Variants in ATP2C1 observed in about 807,000 individuals in gnomAD.
ATP2C1 encodes the protein ATPase secretory pathway Ca2+ transporting 1.
A neutral mutation model predicts 120.5 loss-of-function variants in ATP2C1; 31 were observed. The observed-to-expected ratio is 0.26, with a 90% CI of 0.19 to 0.35. ATP2C1 has a LOEUF of 0.35. Ranked by LOEUF, ATP2C1 falls within the 10% of genes least tolerant of loss-of-function variation. The pLI, the probability that ATP2C1 is intolerant of heterozygous loss-of-function variation, is 1.00. For missense variants in ATP2C1, 731 were observed against 1,107.5 expected, an observed-to-expected ratio of 0.66 and a Z score of 4.83; for synonymous variants, 351 against 358.7, an observed-to-expected ratio of 0.98 and a Z score of 0.24.
chr3:130,961,436 A>C (rs1414812950), intron 12 of ATP2C1, among the ~76,000 whole-genome samples: 2 of 151,906 alleles, frequency 1.3e-5, no homozygotes, highest in South Asian at 4.1e-4. Context: ...ACATTATGGG[A>C]CCTTTAATGA....
intron 8 of ATP2C1, among the ~76,000 whole-genome samples, chr3:130,942,595 A>G (rs570900702): frequency 6.6e-6 from 1 of 152,346 alleles, no homozygotes; most frequent in African/African-American, 2.4e-5. Flanking sequence ...GACTGTAATA[A>G]GAACAAACTT....
upstream of ATP2C1, among the ~76,000 whole-genome samples, chr3:130,889,637 ACTTT>A (rs1312188968): frequency 8.4e-6 from 1 of 119,162 alleles, no homozygotes. Flanking sequence ...TATTCTTTAA[ACTTT>A]TTTTTTTTTT....
chr3:130,959,071 C>T (rs926125785), intron 11 of ATP2C1, among the ~76,000 whole-genome samples: 3 of 151,910 alleles, frequency 2.0e-5, no homozygotes, highest in South Asian at 2.1e-4. Flanking sequence ...CACACATGTA[C>T]GTATGTGAGT....
Position 130,994,022 on chromosome 3 carries a change from A to T in ATP2C1, c.1981A>T (p.Met661Leu). Reference sequence around the variant, plus strand: ...GAAGGCTGCAGACATTGGAGTTGCGATGGGCCAGACTGGTACAGATGTTTG... The same window carrying T: ...GAAGGCTGCAGACATTGGAGTTGCGTTGGGCCAGACTGGTACAGATGTTTG... ...ALKAADIGVA[M>L]GQTGTDVCKE... Residue 661 changes from methionine (M) to leucine (L), a missense_variant, in exon 22 of 28, where the codon ATG (methionine) becomes TTG (leucine). Physicochemically the swap from Met to Leu is conservative, Grantham distance 15. This residue lies in a region of ATP2C1 where 571 missense variants were observed against 845.9 expected (regional missense o/e 0.67). Coordinates refer to ENST00000510168, the MANE Select transcript of ATP2C1 (RefSeq NM_001378687.1). 6.2e-7 allele frequency: 1 copy of T among 1,614,164 alleles called. No individual in the cohort carries two copies. The highest frequency in any genetic ancestry group is 2.2e-5 in the East Asian group (1 of 44,872).
At chr3:130,979,212 T>C (rs2061651752) in intron 18 of ATP2C1, 37 bp from the exon 19 acceptor site, 1 of 1,609,996 alleles carries the variant, frequency 6.2e-7, no homozygotes. Context: ...ATGACTCACT[T>C]TTTTTTGTTG....
intron 14 of ATP2C1, among the ~76,000 whole-genome samples, chr3:130,965,921 G>T (rs1226831880): frequency 6.6e-6 from 1 of 152,014 alleles, no homozygotes; most frequent in African/African-American, 2.4e-5. Flanking sequence ...ATGAATGAAT[G>T]AATCACTTTA....
chr3:130,996,820 G>A lies in ATP2C1; in HGVS notation c.2243+24G>A, dbSNP rs376487641. The A allele has an allele frequency of 2.3e-5, 33 of 1,462,342 alleles. No homozygotes were observed. In the African/African-American group the frequency reaches 4.2e-4, roughly 19 times the overall value. 90.6% of individuals were successfully genotyped at this position (1,462,342 alleles called of 1,614,324 possible). A position where few individuals can be genotyped will look rare whatever the true frequency, so the allele number is the denominator to read the frequency against. On this transcript the variant is annotated intron_variant, in intron 24 of 27. Transcript: ENST00000510168. ...AGGTACGAGTTTTTTAATTGCATGA[G>A]CTGGAAAGACAAGGAATGTGTACTA...
intron 20 of ATP2C1, among the ~76,000 whole-genome samples, chr3:130,982,153 T>G (rs1227408514): frequency 6.6e-6 from 1 of 152,258 alleles, no homozygotes; most frequent in Non-Finnish European, 1.5e-5. Context: ...GTTTTGGGTT[T>G]TATACTTAGG....
In ATP2C1 at chr3:130,884,102, G is replaced by A. The variant is rs372839735; in HGVS notation, c.108+33174G>A. Reference sequence around the variant, plus strand: ...ATTACAGGCTCTGGCCACCATGCCTGGCTAATTTTTGTACTTTTAGTAGAG... The same window carrying A: ...ATTACAGGCTCTGGCCACCATGCCTAGCTAATTTTTGTACTTTTAGTAGAG... On this transcript the variant is annotated intron_variant, in intron 1 of 26. Transcript: ENST00000504381. 2.6e-4 allele frequency among the ~76,000 whole-genome samples: 40 copies of A among 151,542 alleles called. 1 individual carries two copies. In the East Asian group the frequency reaches 7.8e-3, roughly 30 times the overall value.
At position 130,996,100 on chromosome 3, in the gene ATP2C1, C is replaced by T. The variant is rs2062610375; in HGVS notation, c.2115C>T (p.Phe705=). 6.2e-7 allele frequency: 1 copy of T among 1,610,494 alleles called. No individual in the cohort carries two copies. The highest frequency in any genetic ancestry group is 8.5e-7 in the Non-Finnish European group (1 of 1,176,852). The change falls in exon 23 of 28, where the codon TTC becomes TTT. Residue 705 remains phenylalanine, a synonymous_variant. Coordinates refer to ENST00000510168, the MANE Select transcript of ATP2C1 (RefSeq NM_001378687.1). ...IYNNIKNFVR[F]QLSTSIAALT... The stretch of plus-strand genomic sequence containing the variant: ...ATAACATTAAAAATTTCGTTAGATT[C>T]CAGCTGAGCACGTAAGTTTGCAAGA...
intron 1 of ATP2C1, among the ~76,000 whole-genome samples, chr3:130,877,252 A>G (rs1045693967): frequency 6.6e-6 from 1 of 152,186 alleles, no homozygotes; most frequent in Non-Finnish European, 1.5e-5. Flanking sequence ...GGCAGCATAA[A>G]GTTGGGTTTT....
chr3:130,997,748 C>A lies in ATP2C1; in HGVS notation c.2386C>A (p.Arg796Ser). The A allele has an allele frequency of 3.7e-6, 6 of 1,613,156 alleles. No homozygotes were observed. The highest frequency in any genetic ancestry group is 5.1e-6 in the Non-Finnish European group (6 of 1,179,578). ...IVCGTLFVFW[R>S]ELRDNVITPR... ...TTGTGGGACTTTGTTTGTCTTCTGG[C>A]GTGAGGTATATTCACTGGCCAAGCT... is the stretch of plus-strand genomic sequence containing the variant. Residue 796 changes from arginine to serine, a missense_variant, in exon 25 of 28, where the codon CGT becomes AGT. Arg to Ser is a moderately radical substitution (Grantham distance 110). Transcript: ENST00000510168.
chr3:130,857,415 T>G (rs917679233), intron 1 of ATP2C1, among the ~76,000 whole-genome samples: 1 of 152,204 alleles, frequency 6.6e-6, no homozygotes, highest in Non-Finnish European at 1.5e-5. Flanking sequence ...TTCTGCTCCC[T>G]TAGTCAATAT....
intron 26 of ATP2C1, chr3:131,014,481 C>G: frequency 8.4e-7 from 1 of 1,191,520 alleles, no homozygotes; most frequent in Non-Finnish European, 1.2e-6. Flanking sequence ...TGCATCTAAA[C>G]AATGAGAGCT....
At position 130,955,066 on chromosome 3, in the gene ATP2C1, A is replaced by T. The variant is rs2060520535; in HGVS notation, c.742A>T (p.Met248Leu). ...TGAATTTGGGGAGGTTTTTAAAATG[A>T]TGCAAGCAGAAGAGGTGAGTACTTA... ...NSEFGEVFKM[M>L]QAEEAPKTPL... Residue 248 changes from methionine to leucine, a missense_variant, in exon 10 of 28, where the codon ATG becomes TTG. By Grantham distance (15) the Met-to-Leu change is conservative. Coordinates refer to ENST00000510168, the MANE Select transcript of ATP2C1 (RefSeq NM_001378687.1). The T allele has an allele frequency of 6.2e-7, 1 of 1,609,238 alleles. No homozygotes were observed. Among genetic ancestry groups the T allele is most frequent in the Admixed American group, 1.7e-5 (1 of 59,964 alleles).
intron 2 of ATP2C1, among the ~76,000 whole-genome samples, chr3:130,895,643 T>A (rs1283529694): frequency 3.9e-5 from 6 of 152,220 alleles, no homozygotes; most frequent in Non-Finnish European, 5.9e-5. Flanking sequence ...TTTTTTCCTC[T>A]GGTATAATTT....
chr3:130,894,164 C>CCCCAAAAA lies in ATP2C1; in HGVS notation c.-352_-351insCAAAAACC. 3 of 800,532 alleles carry CCCCAAAAA rather than the reference C, an allele frequency of 3.7e-6. No homozygotes were observed. The highest frequency in any genetic ancestry group is 5.6e-5 in the South Asian group (1 of 17,718). 49.6% of individuals were successfully genotyped at this position (800,532 alleles called of 1,614,324 possible). ...TCCTCTTCTCTCCCCTCCCCGCCCGCCCTCTCTCCCTCCCTTCCTCCCTCC... is the reference window on the plus strand; with the variant it reads ...TCCTCTTCTCTCCCCTCCCCGCCCGCCCCAAAAACCTCTCTCCCTCCCTTCCTCCCTCC... On this transcript the variant is annotated 5_prime_UTR_variant, in exon 1 of 28. Transcript: ENST00000510168. The surrounding 1 kb of genome is among the most constrained non-coding windows in gnomAD (Gnocchi z 4.5).
intron 16 of ATP2C1, among the ~76,000 whole-genome samples, chr3:130,969,060 G>T (rs1040571597): frequency 2.0e-5 from 3 of 152,168 alleles, no homozygotes; most frequent in Non-Finnish European, 4.4e-5. Flanking sequence ...TTTAGTCAGC[G>T]TACAATCCAG....
rs72628535 is a variant in ATP2C1, at chr3:130,972,525, C to A, written c.1414-2807C>A. ...TTTAGGGTACATGTGCACAATGTGCCGGTTAGTTACATATGTATACATGTG... is the reference window on the plus strand; with the variant it reads ...TTTAGGGTACATGTGCACAATGTGCAGGTTAGTTACATATGTATACATGTG... On this transcript the variant is annotated intron_variant, in intron 17 of 27. Coordinates refer to ENST00000510168, the MANE Select transcript of ATP2C1 (RefSeq NM_001378687.1). 5.9e-4 allele frequency among the ~76,000 whole-genome samples: 88 copies of A among 150,166 alleles called. 1 individual carries two copies. Among genetic ancestry groups the A allele is most frequent in the Middle Eastern group, 3.4e-3 (1 of 290 alleles).
Sources: gnomAD v4.1 joint callset for allele counts (sites outside exome capture counted in the v4.1 genomes callset) on GRCh38, gnomAD v4.1.1 for gene constraint, gnomAD v4.1.1 regional missense constraint, Gnocchi (gnomAD v3.1) non-coding constraint, MANE v1.5 for transcripts, NCBI Gene and HGNC (gene_info 2026-07-23, HGNC 2026-07-21) for gene names.